The following DDB1 variants were observed in gnomAD, a reference collection of about 807,000 sequenced individuals.
DDB1 encodes DNA damage-binding protein 1.
Under a neutral mutation model 133.1 loss-of-function variants are expected in DDB1, and 18 were observed. The ratio of observed to expected loss-of-function variants is 0.14; its 90% CI spans 0.09 to 0.20. DDB1 has a LOEUF of 0.20. Among genes scored for constraint, DDB1 ranks in the 10% least tolerant of loss-of-function variants. The pLI is 1.00. For missense variants in DDB1, 828 were observed against 1,459.2 expected, an observed-to-expected ratio of 0.57 and a Z score of 7.05; for synonymous variants, 580 against 550.5, an observed-to-expected ratio of 1.05 and a Z score of -0.75.
intron 23 of DDB1, 92 bp downstream of exon 23, chr11:61,302,954 C>T: frequency 1.5e-6 from 2 of 1,348,556 alleles, no homozygotes; most frequent in Non-Finnish European, 2.1e-6. Context: ...ACAGGAGCAC[C>T]TGAACCTGAC....
At chr11:61,301,558 A>C (rs1316056799) in intron 25 of DDB1, 1 of 152,410 alleles carries the variant, frequency 6.6e-6, no homozygotes, top group Non-Finnish European at 1.5e-5. Context: ...ACAACAGAGC[A>C]AGAACCCACC....
In DDB1 at chr11:61,321,647, C is replaced by T. The variant is rs1856183005; in HGVS notation, c.1173G>A (p.Arg391=). 6.2e-7 allele frequency: 1 copy of T among 1,614,170 alleles called. No individual in the cohort carries two copies. Among genetic ancestry groups the T allele is most frequent in the Non-Finnish European group, 8.5e-7 (1 of 1,180,034 alleles). Residue 391 remains arginine, a synonymous_variant, in exon 10 of 27, where the codon CGG becomes CGA. Transcript: ENST00000301764. ...CATGCTCGTGGATTCCAATTCCATTCCGGATGATCCGCAAAGAACCTTCCT... is the reference window on the plus strand; with the variant it reads ...CATGCTCGTGGATTCCAATTCCATTTCGGATGATCCGCAAAGAACCTTCCT... ...AFKEGSLRII[R]NGIGIHEHAS... is the part of the protein sequence containing the mutation.
chr11:61,309,378 T>C (rs974375044), intron 20 of DDB1, among the ~76,000 whole-genome samples: 1 of 152,214 alleles, frequency 6.6e-6, no homozygotes, highest in Non-Finnish European at 1.5e-5. Flanking sequence ...TCCGGGCTGA[T>C]AGTCTTTAGA....
In DDB1 at chr11:61,309,970, A is replaced by G. The variant is rs773867110; in HGVS notation, c.2402-10T>C. Reference sequence around the variant, plus strand: ...TGGTGGGCATGAAGCACTAGAGAGTAGAGAGATGACTACGTGATGACAGGT... The same window carrying G: ...TGGTGGGCATGAAGCACTAGAGAGTGGAGAGATGACTACGTGATGACAGGT... On this transcript the variant is annotated splice_polypyrimidine_tract_variant and intron_variant, in intron 19 of 26. Transcript: ENST00000301764. The G allele has an allele frequency of 6.2e-7, 1 of 1,614,218 alleles. No individual in the cohort carries two copies. The highest frequency in any genetic ancestry group is 8.5e-7 in the Non-Finnish European group (1 of 1,180,008).
chr11:61,323,567 C>A, intron 7 of DDB1: 1 of 253,488 alleles, frequency 3.9e-6, no homozygotes, highest in African/African-American at 2.2e-5. Context: ...CACACACCAC[C>A]ATACCCACCT....
intron 21 of DDB1, among the ~76,000 whole-genome samples, chr11:61,304,330 C>T (rs953524442): frequency 6.6e-5 from 10 of 151,998 alleles, no homozygotes; most frequent in Non-Finnish European, 4.4e-5. Flanking sequence ...GGCTTGGTGG[C>T]GCACACCTGT....
At chr11:61,301,603 T>C (rs916030814) in intron 25 of DDB1, 1 of 151,858 alleles carries the variant, frequency 6.6e-6, no homozygotes, top group South Asian at 2.1e-4. Context: ...AGAAGAAGAA[T>C]AAAAGCAGCA....
intron 12 of DDB1, chr11:61,315,849 C>T (rs951379298): frequency 6.4e-6 from 1 of 157,138 alleles, no homozygotes; most frequent in African/African-American, 2.4e-5. Context: ...GAAAGGGCTG[C>T]CAAGAGTCAT....
In DDB1 at chr11:61,333,041, G is replaced by A. The variant is rs968868466; in HGVS notation, c.-73C>T. 4.1e-5 allele frequency: 56 copies of A among 1,366,692 alleles called. No homozygotes were observed. In the African/African-American group the frequency reaches 5.9e-4, roughly 14 times the overall value. 84.7% of individuals were successfully genotyped at this position (1,366,692 alleles called of 1,614,324 possible). On this transcript the variant is annotated 5_prime_UTR_variant, in exon 1 of 27. Transcript: ENST00000301764. ...GAGGGACACAAGCGAAAAGACAGGT[G>A]GCCCCCAACAGCGCGCAGCGAACTC... is the stretch of plus-strand genomic sequence containing the variant.
intron 23 of DDB1, 68 bp from the exon 24 acceptor site, chr11:61,302,819 C>T (rs753598050): frequency 4.3e-5 from 69 of 1,590,080 alleles, no homozygotes; most frequent in Non-Finnish European, 4.9e-5. Context: ...GACAGGACCA[C>T]GTGCAGTGGT....
Position 61,302,043 on chromosome 11 carries a change from A to C in DDB1, c.3215+214T>G, listed in dbSNP as rs552252536. 54 of 459,920 alleles carry C rather than the reference A, an allele frequency of 1.2e-4. 2 individuals are homozygous for C. The South Asian group carries it at 2.0e-3, about 17-fold the overall frequency. 28.5% of individuals were successfully genotyped at this position (459,920 alleles called of 1,614,324 possible). The stretch of plus-strand genomic sequence containing the variant: ...TACATTTCCAAGATGGACCAGCGGA[A>C]GCTAGGTGATAAGTACTTTGGGAGT... On this transcript the variant is annotated intron_variant, in intron 25 of 26. Coordinates refer to ENST00000301764, the MANE Select transcript of DDB1 (RefSeq NM_001923.5).
intron 7 of DDB1, chr11:61,323,406 AAT>A (rs576301124): frequency 8.2e-4 from 266 of 324,218 alleles, no homozygotes; most frequent in African/African-American, 5.4e-3. Flanking sequence ...AATCAGCAAT[AAT>A]CTTTTTTTTT....
chr11:61,322,524 A>G, intron 8 of DDB1, 112 bp from the exon 9 acceptor site: 1 of 804,296 alleles, frequency 1.2e-6, no homozygotes, highest in Non-Finnish European at 2.1e-6. Context: ...TAGATCTGCC[A>G]TTCTCATGTT....
intron 26 of DDB1, among the ~76,000 whole-genome samples, chr11:61,300,504 G>A (rs1033456602): frequency 1.3e-5 from 2 of 152,098 alleles, no homozygotes; most frequent in African/African-American, 2.4e-5. Context: ...TCCTCCCTAC[G>A]GGATCCTGAC....
Position 61,302,371 on chromosome 11 carries a change from A to G in DDB1, c.3113-12T>C. On this transcript the variant is annotated splice_polypyrimidine_tract_variant and intron_variant, in intron 24 of 26. Coordinates refer to ENST00000301764, the MANE Select transcript of DDB1 (RefSeq NM_001923.5). The stretch of plus-strand genomic sequence containing the variant: ...TGAGGTCACCAGCCCTGAAGAAGTG[A>G]AGGAGGCAGTGAGCTGCAGAGAGCT... 1 of 1,613,528 alleles carries G rather than the reference A, an allele frequency of 6.2e-7. No individual in the cohort carries two copies.
At chr11:61,303,776 C>A (rs1855839078) in intron 22 of DDB1, 89 bp downstream of exon 22, 3 of 1,340,552 alleles carry the variant, frequency 2.2e-6, no homozygotes, top group Non-Finnish European at 3.1e-6. Flanking sequence ...GCCCCTAATA[C>A]TGGGCTGGCT....
chr11:61,302,000 A>G (rs1445473979), intron 25 of DDB1: 1 of 352,028 alleles, frequency 2.8e-6, no homozygotes, highest in South Asian at 4.9e-5. Flanking sequence ...AGGCGGACAC[A>G]TTTCAGGAAT....
chr11:61,327,033 T>C (rs1215537653), intron 4 of DDB1, 140 bp from the exon 5 acceptor site: 3 of 656,020 alleles, frequency 4.6e-6, no homozygotes, highest in South Asian at 3.6e-5. Context: ...TCCATCACTA[T>C]ACTGACAAGC....
chr11:61,327,085 T>C (rs543477967), intron 4 of DDB1, among the ~76,000 whole-genome samples, 192 bp from the exon 5 acceptor site: 1 of 151,830 alleles, frequency 6.6e-6, no homozygotes, highest in Non-Finnish European at 1.5e-5. Flanking sequence ...GACTGCAGCA[T>C]CTGAGATCTA....
Sources: gnomAD v4.1 joint callset for allele counts (sites outside exome capture counted in the v4.1 genomes callset) on GRCh38, gnomAD v4.1.1 for gene constraint, MANE v1.5 for transcripts, NCBI Gene and HGNC (gene_info 2026-07-23, HGNC 2026-07-21) for gene names.